INTS14: variants seen among roughly 807,000 people sequenced by gnomAD.
INTS14 encodes UPF0464 protein C15orf44.
Under a neutral mutation model 56.9 loss-of-function variants are expected in INTS14, and 27 were observed. The observed-to-expected ratio is 0.47, with a 90% CI of 0.35 to 0.65. INTS14 has a LOEUF of 0.65. INTS14 is among the 30% of genes least tolerant of loss of function. The probability of loss-of-function intolerance (pLI) is 0.00; values close to 1 mark genes in which losing one functional copy is unlikely to be tolerated. For synonymous variants in INTS14, 207 were observed against 236.2 expected (o/e 0.88, Z 1.13); for missense variants, 517 against 632.2 (o/e 0.82, Z 1.95).
At position 65,579,269 on chromosome 15, in the gene INTS14, A is replaced by C; in HGVS notation, c.*139T>G. On this transcript the variant is annotated 3_prime_UTR_variant, in exon 12 of 12. Coordinates refer to ENST00000313182, the MANE Select transcript of INTS14 (RefSeq NM_001394796.1). ...CCTTCTCATACTAGTAGAGTCATTC[A>C]AAACAGCAAGTGGTGCTTCTGAGGC... 4 of 1,249,246 alleles carry C rather than the reference A, an allele frequency of 3.2e-6. No individual in the cohort carries two copies. The highest frequency in any genetic ancestry group is 4.4e-6 in the Non-Finnish European group (4 of 906,140). 77.4% of individuals were successfully genotyped at this position (1,249,246 alleles called of 1,614,324 possible).
intron 1 of INTS14, 68 bp from the exon 2 acceptor site, chr15:65,607,510 T>A: frequency 6.8e-7 from 1 of 1,476,768 alleles, no homozygotes; most frequent in Non-Finnish European, 9.0e-7. Context: ...TAACTTTAAC[T>A]AACTTCTCAG....
In INTS14 at chr15:65,598,280, A is replaced by G. The variant is rs769410854; in HGVS notation, c.748+41T>C. The G allele has an allele frequency of 1.9e-6, 3 of 1,578,868 alleles. No individual in the cohort carries two copies. In the African/African-American group the frequency reaches 4.1e-5, roughly 21 times the overall value. On this transcript the variant is annotated intron_variant, in intron 6 of 11. Coordinates refer to ENST00000313182, the MANE Select transcript of INTS14 (RefSeq NM_001394796.1). ...AGTCACAAGTCAGAAGAAAGTAAGGATAACAGAGAAACTAAGAAATAAGTT... is the reference window on the plus strand; with the variant it reads ...AGTCACAAGTCAGAAGAAAGTAAGGGTAACAGAGAAACTAAGAAATAAGTT...
chr15:65,599,668 T>G, intron 4 of INTS14, 106 bp downstream of exon 4: 4 of 1,212,996 alleles, frequency 3.3e-6, no homozygotes, highest in East Asian at 2.6e-5. Context: ...ACCAATGGAG[T>G]TCAATGCTAC....
intron 3 of INTS14, among the ~76,000 whole-genome samples, chr15:65,601,205 A>G (rs2073420848): frequency 6.6e-6 from 1 of 152,236 alleles, no homozygotes; most frequent in Non-Finnish European, 1.5e-5. Flanking sequence ...AACAATGGAT[A>G]GTAATTGCAA....
Position 65,611,117 on chromosome 15 carries a change from A to C in INTS14, c.-82T>G. 6.5e-7 allele frequency: 1 copy of C among 1,535,674 alleles called. No homozygotes were observed. The highest frequency in any genetic ancestry group is 2.0e-5 in the Admixed American group (1 of 50,990). On this transcript the variant is annotated 5_prime_UTR_variant, in exon 1 of 12. Coordinates refer to ENST00000313182, the MANE Select transcript of INTS14 (RefSeq NM_001394796.1). Reference sequence around the variant, plus strand: ...ACTCACCCCGTGCCCATCGCCGGACACAGTCCGTCGGCATAAACTTTCCGT... The same window carrying C: ...ACTCACCCCGTGCCCATCGCCGGACCCAGTCCGTCGGCATAAACTTTCCGT...
chr15:65,595,120 G>T lies in INTS14; in HGVS notation c.841+613C>A, dbSNP rs573140401. ...AACCTGTAGCCAGTCAGGGACAAAA[G>T]CTCCTGCTCTATACCCACCACAGCA... On this transcript the variant is annotated intron_variant, in intron 7 of 11. Coordinates refer to ENST00000313182, the MANE Select transcript of INTS14 (RefSeq NM_001394796.1). Among the ~76,000 whole-genome samples, 3 of 152,304 alleles carry T rather than the reference G, an allele frequency of 2.0e-5. No individual in the cohort carries two copies. The East Asian group carries it at 5.8e-4, about 29-fold the overall frequency.
rs1415954283 is a variant in INTS14, at chr15:65,579,260, G to C, written c.*148C>G. 9.2e-7 allele frequency: 1 copy of C among 1,087,576 alleles called. No individual in the cohort carries two copies. The highest frequency in any genetic ancestry group is 1.3e-6 in the Non-Finnish European group (1 of 763,298). The allele number at this position is 1,087,576 out of a possible 1,614,324, so 67.4% of individuals were successfully genotyped here. A position where few individuals can be genotyped will look rare whatever the true frequency, so the allele number is the denominator to read the frequency against. On this transcript the variant is annotated 3_prime_UTR_variant, in exon 12 of 12. Transcript: ENST00000313182. ...CCTTCACATCCTTCTCATACTAGTA[G>C]AGTCATTCAAAACAGCAAGTGGTGC...
chr15:65,584,891 TAAAAG>T lies in INTS14; in HGVS notation c.1121-8_1121-4del, dbSNP rs1423656475. On this transcript the variant is annotated splice_polypyrimidine_tract_variant and splice_region_variant and intron_variant, in intron 9 of 11. Coordinates refer to ENST00000313182, the MANE Select transcript of INTS14 (RefSeq NM_001394796.1). ...GCCATAAGGGTTTTCTTTAGCATCT[TAAAAG>T]AAAAGACATTCTTGAAATGACATCT... 4 of 1,603,382 alleles carry T rather than the reference TAAAAG, an allele frequency of 2.5e-6. No homozygotes were observed. The highest frequency in any genetic ancestry group is 1.3e-5 in the African/African-American group (1 of 74,310).
chr15:65,581,896 C>T, intron 11 of INTS14, 58 bp downstream of exon 11: 1 of 1,559,042 alleles, frequency 6.4e-7, no homozygotes, highest in Admixed American at 1.8e-5. Flanking sequence ...ACTGCCATCT[C>T]ACAGTTTTAC....
intron 6 of INTS14, among the ~76,000 whole-genome samples, chr15:65,597,590 C>G (rs1316635174): frequency 1.3e-5 from 2 of 152,180 alleles, no homozygotes; most frequent in Non-Finnish European, 2.9e-5. Context: ...ATATAAGCAG[C>G]AGTGCTAGAA....
In INTS14 at chr15:65,584,887, A is replaced by G; in HGVS notation, c.1122T>C (p.Asp374=). Residue 374 remains aspartate (D), a splice_region_variant and synonymous_variant, in exon 10 of 12, where the codon GAT becomes GAC. Transcript: ENST00000313182. ...CCTCGCCATAAGGGTTTTCTTTAGC[A>G]TCTTAAAAGAAAAGACATTCTTGAA... is the stretch of plus-strand genomic sequence containing the variant. ...GKMAQLGPIS[D]AKENPYGEDD... 1 of 1,605,474 alleles carries G rather than the reference A, an allele frequency of 6.2e-7. No individual in the cohort carries two copies. Among genetic ancestry groups the G allele is most frequent in the Non-Finnish European group, 8.5e-7 (1 of 1,176,188 alleles).
chr15:65,583,172 T>C (rs76583666), intron 10 of INTS14, among the ~76,000 whole-genome samples: 9,521 of 152,128 alleles, frequency 0.063, 308 homozygotes, highest in African/African-American at 0.09. Flanking sequence ...GACCCAGCAA[T>C]CCCATTCCCA....
intron 1 of INTS14, 59 bp downstream of exon 1, chr15:65,611,039 C>T (rs1277985648): frequency 6.5e-7 from 1 of 1,535,188 alleles, no homozygotes; most frequent in Non-Finnish European, 8.7e-7. Context: ...ATAACCCCTT[C>T]ACCTGTAACC....
chr15:65,610,663 T>C (rs903495137), intron 1 of INTS14: 4 of 1,534,680 alleles, frequency 2.6e-6, no homozygotes, highest in African/African-American at 1.4e-5. Flanking sequence ...AGCAGGATTC[T>C]ACCTGAATTT....
At chr15:65,589,939 G>A (rs1159973396) in intron 9 of INTS14, among the ~76,000 whole-genome samples, 10 of 151,926 alleles carry the variant, frequency 6.6e-5, no homozygotes, top group Non-Finnish European at 1.5e-4. Flanking sequence ...TCACAGGCAC[G>A]AACTCAACAT....
At chr15:65,607,080 A>G in intron 2 of INTS14, 79 bp downstream of exon 2, 6 of 1,513,102 alleles carry the variant, frequency 4.0e-6, no homozygotes, top group Non-Finnish European at 5.4e-6. Flanking sequence ...AAAGTTCTAA[A>G]TATTCAACGC....
At chr15:65,598,532 C>T in intron 5 of INTS14, 69 bp from the exon 6 acceptor site, 1 of 1,482,820 alleles carries the variant, frequency 6.7e-7, no homozygotes, top group Non-Finnish European at 9.2e-7. Flanking sequence ...TTTCAGGACG[C>T]AAGGGTTGTT....
intron 9 of INTS14, among the ~76,000 whole-genome samples, chr15:65,587,990 A>T (rs1432133562): frequency 6.6e-6 from 1 of 152,054 alleles, no homozygotes; most frequent in Non-Finnish European, 1.5e-5. Flanking sequence ...AATAAATAAA[A>T]AATAATAAGA....
chr15:65,602,480 T>C (rs1415123895), intron 3 of INTS14, among the ~76,000 whole-genome samples: 1 of 151,944 alleles, frequency 6.6e-6, no homozygotes, highest in Non-Finnish European at 1.5e-5. Context: ...AGACAGGGTT[T>C]CACCATGTTG....
Sources: gnomAD v4.1 joint callset for allele counts (sites outside exome capture counted in the v4.1 genomes callset) on GRCh38, gnomAD v4.1.1 for gene constraint, MANE v1.5 for transcripts, NCBI Gene and HGNC (gene_info 2026-07-23, HGNC 2026-07-21) for gene names.